Variants in AKAP6 observed in about 807,000 individuals in gnomAD.
The protein encoded by AKAP6 is A-kinase anchor protein 6.
Under a neutral mutation model 188.5 loss-of-function variants are expected in AKAP6, and 58 were observed. The ratio of observed to expected loss-of-function variants is 0.31; its 90% CI spans 0.25 to 0.38. The LOEUF is 0.38. Ranked by LOEUF, AKAP6 falls within the 10% of genes least tolerant of loss-of-function variation. The pLI, the probability that AKAP6 is intolerant of heterozygous loss-of-function variation, is 1.00. For synonymous variants in AKAP6, 989 were observed against 998.6 expected, an observed-to-expected ratio of 0.99 and a Z score of 0.18; for missense variants, 2,710 against 2,740.0, an observed-to-expected ratio of 0.99 and a Z score of 0.24.
At chr14:32,757,990 G>A (rs2032402350) in intron 11 of AKAP6, among the ~76,000 whole-genome samples, 1 of 152,188 alleles carries the variant, frequency 6.6e-6, no homozygotes, top group Non-Finnish European at 1.5e-5. Flanking sequence ...GTGCTTATTT[G>A]AATATTATTC....
chr14:32,728,651 C>A (rs1464427416), intron 9 of AKAP6, among the ~76,000 whole-genome samples: 1 of 152,106 alleles, frequency 6.6e-6, no homozygotes, highest in Non-Finnish European at 1.5e-5. Context: ...CAAGAAATGT[C>A]TTTAGTTTAA....
intron 11 of AKAP6, among the ~76,000 whole-genome samples, chr14:32,767,737 G>A (rs1003364029): frequency 6.6e-6 from 1 of 152,040 alleles, no homozygotes; most frequent in African/African-American, 2.4e-5. Flanking sequence ...TCACAGCCTG[G>A]TTTTAGTCCC....
chr14:32,735,736 A>G lies in AKAP6; in HGVS notation c.3226A>G (p.Ser1076Gly), dbSNP rs144326498. 2.6e-4 allele frequency: 426 copies of G among 1,613,442 alleles called. No homozygotes were observed. Among genetic ancestry groups the G allele is most frequent in the Non-Finnish European group, 3.4e-4 (401 of 1,179,776 alleles). Residue 1076 changes from serine to glycine, a missense_variant, in exon 11 of 14, where the codon AGT becomes GGT. By Grantham distance (56) the Ser-to-Gly change is moderately conservative. Transcript: ENST00000280979. ...SSPRDLLSPE[S>G]GSLVRQLEVR... ...TCCACGTGACCTGCTCTCTCCTGAAAGTGGAAGCCTGGTAAGGCAGCTGGA... is the reference window on the plus strand; with the variant it reads ...TCCACGTGACCTGCTCTCTCCTGAAGGTGGAAGCCTGGTAAGGCAGCTGGA...
chr14:32,721,189 G>A (rs1034394854), intron 9 of AKAP6, among the ~76,000 whole-genome samples: 4 of 152,154 alleles, frequency 2.6e-5, no homozygotes, highest in East Asian at 1.9e-4. Flanking sequence ...GATCCACATC[G>A]TCACTAAAGT....
At chr14:32,683,587 C>T (rs995548560) in intron 8 of AKAP6, among the ~76,000 whole-genome samples, 3 of 152,130 alleles carry the variant, frequency 2.0e-5, no homozygotes, top group Non-Finnish European at 2.9e-5. Context: ...GTGTTAGGCA[C>T]TGGGGACATA....
intron 9 of AKAP6, among the ~76,000 whole-genome samples, chr14:32,731,978 G>C (rs191636916): frequency 3.7e-4 from 56 of 152,086 alleles, no homozygotes; most frequent in African/African-American, 1.3e-3. Context: ...AGCCCACACA[G>C]AGTTTTTAAG....
At chr14:32,690,209 T>G (rs1000791759) in intron 8 of AKAP6, among the ~76,000 whole-genome samples, 1 of 152,070 alleles carries the variant, frequency 6.6e-6, no homozygotes, top group Non-Finnish European at 1.5e-5. Flanking sequence ...TGATGATTTC[T>G]TAATTTGGTT....
intron 7 of AKAP6, among the ~76,000 whole-genome samples, chr14:32,647,334 G>C (rs1888025978): frequency 6.6e-6 from 1 of 152,204 alleles, no homozygotes; most frequent in East Asian, 1.9e-4. Flanking sequence ...TGCTTTCAGA[G>C]CTGGAAGATT....
intron 12 of AKAP6, among the ~76,000 whole-genome samples, chr14:32,789,760 A>G (rs1296169385): frequency 6.6e-6 from 1 of 152,244 alleles, no homozygotes; most frequent in Non-Finnish European, 1.5e-5. Flanking sequence ...AGCCCACAAA[A>G]TGAGAAAGAA....
At position 32,823,960 on chromosome 14, in the gene AKAP6, A is replaced by C. The variant is rs772586515; in HGVS notation, c.6147A>C (p.Lys2049Asn). ...GTGAGCCAGATGTTTTCCATCAAAA[A>C]GATGCCGAAGATTGTTCAGTACACA... ...CNCEPDVFHQ[K>N]DAEDCSVHNF... The change falls in exon 13 of 14, where the codon AAA (lysine) becomes AAC (asparagine). Residue 2049 changes from lysine to asparagine, a missense_variant. Around this residue, in one of 2 missense-constraint regions of AKAP6, gnomAD observed 2,473 missense variants for 2,426.1 expected, o/e 1.02. Transcript: ENST00000280979. 1.2e-6 allele frequency: 2 copies of C among 1,613,986 alleles called. No individual in the cohort carries two copies. Among genetic ancestry groups the C allele is most frequent in the South Asian group, 2.2e-5 (2 of 91,086 alleles).
chr14:32,723,585 G>GTGTGTT (rs1555356071), intron 9 of AKAP6, among the ~76,000 whole-genome samples: 2 of 151,536 alleles, frequency 1.3e-5, no homozygotes, highest in Non-Finnish European at 2.9e-5. Context: ...GTGTGTGTGT[G>GTGTGTT]TGTGTGTATA....
At chr14:32,679,081 G>A (rs1310809140) in intron 8 of AKAP6, among the ~76,000 whole-genome samples, 1 of 152,102 alleles carries the variant, frequency 6.6e-6, no homozygotes, top group African/African-American at 2.4e-5. Context: ...GAACAGTCAA[G>A]TCACATATTT....
In AKAP6 at chr14:32,797,055, A is replaced by G. The variant is rs145475507; in HGVS notation, c.3588+23162A>G. On this transcript the variant is annotated intron_variant, in intron 12 of 13. Transcript: ENST00000280979. Reference sequence around the variant, plus strand: ...CTCAACATCACTGATCATTAGAGAAATGCAAATCAAAACCACAATGAGATA... The same window carrying G: ...CTCAACATCACTGATCATTAGAGAAGTGCAAATCAAAACCACAATGAGATA... Among the ~76,000 whole-genome samples, 1,485 of 152,350 alleles carry G rather than the reference A, an allele frequency of 9.7e-3. 20 individuals carry two copies. The highest frequency in any genetic ancestry group is 0.035 in the African/African-American group (1,435 of 41,576).
chr14:32,379,839 A>G (rs1888288620), intron 1 of AKAP6, among the ~76,000 whole-genome samples: 3 of 152,112 alleles, frequency 2.0e-5, no homozygotes, highest in South Asian at 2.1e-4. Context: ...GCCATTGACA[A>G]TGTCTCCTCC....
intron 12 of AKAP6, among the ~76,000 whole-genome samples, chr14:32,799,090 TG>T (rs1183931008): frequency 1.3e-5 from 2 of 152,194 alleles, no homozygotes; most frequent in Non-Finnish European, 2.9e-5. Context: ...AATATATTTT[TG>T]CTTAGTAAAC....
At chr14:32,711,865 C>G (rs377112407) in intron 9 of AKAP6, among the ~76,000 whole-genome samples, 1 of 151,960 alleles carries the variant, frequency 6.6e-6, no homozygotes, top group Admixed American at 6.6e-5. Flanking sequence ...CTTATCCTCT[C>G]AGGCCTCATT....
chr14:32,472,087 T>G (rs1594650179), intron 2 of AKAP6, among the ~76,000 whole-genome samples: 1 of 152,112 alleles, frequency 6.6e-6, no homozygotes, highest in African/African-American at 2.4e-5. Context: ...TTTATTGGGG[T>G]GAGTTCTTGG....
In AKAP6 at chr14:32,738,812, TA is replaced by T. The variant is rs1475612926; in HGVS notation, c.3372+2932del. On this transcript the variant is annotated intron_variant, in intron 11 of 13. Coordinates refer to ENST00000280979, the MANE Select transcript of AKAP6 (RefSeq NM_004274.5). ...TTTCTGTAAAAGCCGGATAATAGTA[TA>T]ATCTCTGTATGAATTACTCAGCTCT... 3.3e-5 allele frequency among the ~76,000 whole-genome samples: 5 copies of T among 152,308 alleles called. No individual in the cohort carries two copies. The East Asian group carries it at 9.6e-4, about 29-fold the overall frequency.
At chr14:32,503,879 C>T (rs1420971124) in intron 2 of AKAP6, among the ~76,000 whole-genome samples, 1 of 151,588 alleles carries the variant, frequency 6.6e-6, no homozygotes, top group Non-Finnish European at 1.5e-5. Flanking sequence ...TGTTAGAATC[C>T]AACTCTTTCC....
Sources: gnomAD v4.1 joint callset for allele counts (sites outside exome capture counted in the v4.1 genomes callset) on GRCh38, gnomAD v4.1.1 for gene constraint, gnomAD v4.1.1 regional missense constraint, MANE v1.5 for transcripts, NCBI Gene and HGNC (gene_info 2026-07-23, HGNC 2026-07-21) for gene names.